The following TVP23C variants were observed in gnomAD, a reference collection of about 807,000 sequenced individuals.
TVP23C encodes Golgi apparatus membrane protein TVP23 homolog C.
TVP23C carries 19 observed loss-of-function variants against 28.7 expected under a neutral mutation model. The ratio of observed to expected loss-of-function variants is 0.66; its 90% CI spans 0.46 to 0.97. TVP23C has a LOEUF of 0.97. Among genes scored for constraint, TVP23C ranks in the 50% least tolerant of loss-of-function variants. The pLI is 0.00. For missense variants in TVP23C, 186 were observed against 241.3 expected (o/e 0.77, Z 1.52); for synonymous variants, 68 against 81.7 (o/e 0.83, Z 0.90).
chr17:15,520,326 T>G (rs1316878934), intron 5 of TVP23C, among the ~76,000 whole-genome samples: 2 of 149,222 alleles, frequency 1.3e-5, no homozygotes, highest in Admixed American at 1.3e-4. Context: ...AGCCCAGGAC[T>G]TCTAACTATT....
intron 5 of TVP23C, chr17:15,516,291 A>G (rs1982223300): frequency 6.6e-6 from 1 of 152,476 alleles, no homozygotes; most frequent in Non-Finnish European, 1.5e-5. Flanking sequence ...TTGTGAAGGA[A>G]ATCTAAGGGA....
downstream of TVP23C, among the ~76,000 whole-genome samples, chr17:15,535,193 T>C (rs868528370): frequency 5.9e-5 from 9 of 152,014 alleles, no homozygotes; most frequent in Admixed American, 6.6e-5. Context: ...ATCTTAACAC[T>C]CCTCTCATCA....
chr17:15,552,671 T>G (rs1307064376), intron 3 of TVP23C, among the ~76,000 whole-genome samples: 1 of 150,706 alleles, frequency 6.6e-6, no homozygotes, highest in Non-Finnish European at 1.5e-5. Flanking sequence ...GCAACAAAAG[T>G]GAAACTCCGT....
intron 3 of TVP23C, among the ~76,000 whole-genome samples, chr17:15,551,527 C>T (rs1403841667): frequency 6.6e-6 from 1 of 151,910 alleles, no homozygotes; most frequent in Non-Finnish European, 1.5e-5. Context: ...AATTATTTTC[C>T]CTTCTCTACC....
At chr17:15,541,963 C>T (rs1983429599) in intron 5 of TVP23C, among the ~76,000 whole-genome samples, 1 of 152,174 alleles carries the variant, frequency 6.6e-6, no homozygotes, top group South Asian at 2.1e-4. Context: ...GTAAGTTAAA[C>T]TTCTGGTTTA....
chr17:15,527,469 T>G (rs1263776205), intron 5 of TVP23C, among the ~76,000 whole-genome samples: 2 of 152,108 alleles, frequency 1.3e-5, no homozygotes, highest in Non-Finnish European at 2.9e-5. Flanking sequence ...GCCACTTAAC[T>G]AGGGGTTAGC....
intron 5 of TVP23C, among the ~76,000 whole-genome samples, chr17:15,523,457 C>T: frequency 6.6e-6 from 1 of 151,840 alleles, no homozygotes; most frequent in East Asian, 1.9e-4. Context: ...ATTACAGGCA[C>T]CCGCCACCAT....
intron 5 of TVP23C, chr17:15,516,695 T>C (rs1439888309): frequency 6.6e-6 from 1 of 151,854 alleles, no homozygotes; most frequent in African/African-American, 2.4e-5. Flanking sequence ...CTTCAACATA[T>C]GAATTTGGGG....
intron 5 of TVP23C, among the ~76,000 whole-genome samples, chr17:15,521,135 T>A (rs1386987222): frequency 6.6e-6 from 1 of 152,024 alleles, no homozygotes; most frequent in African/African-American, 2.4e-5. Flanking sequence ...TCCCCCCACT[T>A]GATACACGGT....
In TVP23C at chr17:15,538,418, G is replaced by A. The variant is rs562142753; in HGVS notation, c.*1994C>T. On this transcript the variant is annotated 3_prime_UTR_variant, in exon 6 of 6. Transcript: ENST00000518321. ...CTCCTGGCTAACACAGTGAAACCCC[G>A]TCTCTACTAAAAATACAAAAAATTA... is the stretch of plus-strand genomic sequence containing the variant. 2.0e-4 allele frequency: 149 copies of A among 756,076 alleles called. No homozygotes were observed. Among genetic ancestry groups the A allele is most frequent in the Non-Finnish European group, 2.3e-4 (142 of 621,196 alleles). 46.8% of individuals were successfully genotyped at this position (756,076 alleles called of 1,614,324 possible).
At chr17:15,551,071 T>C (rs1597542911) in intron 3 of TVP23C, among the ~76,000 whole-genome samples, 1 of 152,270 alleles carries the variant, frequency 6.6e-6, no homozygotes. Context: ...TTCTCCAATG[T>C]TGCAGAAGAT....
chr17:15,550,650 ATAATTT>A (rs1260383334), intron 3 of TVP23C, among the ~76,000 whole-genome samples: 2 of 152,304 alleles, frequency 1.3e-5, no homozygotes, highest in Non-Finnish European at 2.9e-5. Context: ...ATAGTTTGAT[ATAATTT>A]TACTCTGTGA....
intron 1 of TVP23C, among the ~76,000 whole-genome samples, chr17:15,557,511 C>T (rs1409879690): frequency 2.0e-5 from 3 of 148,586 alleles, no homozygotes; most frequent in Non-Finnish European, 3.0e-5. Flanking sequence ...GTTGGCCAGG[C>T]TGGTTTCAAA....
rs568317337 is a variant in TVP23C, at chr17:15,542,195, A to G, written c.463-1634T>C. ...ATTACCATCCCCAGGAACTTATAGA[A>G]AAGCAAAAGACCCGAGAAAAAAATG... On this transcript the variant is annotated intron_variant, in intron 5 of 5. Transcript: ENST00000518321. Among the ~76,000 whole-genome samples the G allele has an allele frequency of 2.0e-4, 31 of 152,370 alleles. No homozygotes were observed. The East Asian group carries it at 5.8e-3, about 28-fold the overall frequency.
rs368002871 is a variant in TVP23C, at chr17:15,518,483, T to C, written c.463-15251A>G. Among the ~76,000 whole-genome samples, 14 of 152,294 alleles carry C rather than the reference T, an allele frequency of 9.2e-5. No individual in the cohort carries two copies. In the South Asian group the frequency reaches 2.9e-3, roughly 32 times the overall value. On this transcript the variant is annotated intron_variant, in intron 5 of 5. Transcript: ENST00000225576. ...GCAATACCTATGTAACTCCTACATCTGGAAAGCAGATGACAGCTGGGCTCT... is the reference window on the plus strand; with the variant it reads ...GCAATACCTATGTAACTCCTACATCCGGAAAGCAGATGACAGCTGGGCTCT...
chr17:15,540,146 A>C lies in TVP23C; in HGVS notation c.*266T>G. 8.0e-7 allele frequency: 1 copy of C among 1,256,252 alleles called. No individual in the cohort carries two copies. The highest frequency in any genetic ancestry group is 2.1e-5 in the South Asian group (1 of 46,604). The allele number at this position is 1,256,252 out of a possible 1,614,324, so 77.8% of individuals were successfully genotyped here. A position where few individuals can be genotyped will look rare whatever the true frequency, so the allele number is the denominator to read the frequency against. Reference sequence around the variant, plus strand: ...ACATTCTGCAAGGGCATTCACTTAAAGCTCCCATAATTGATGAAAAACAAC... The same window carrying C: ...ACATTCTGCAAGGGCATTCACTTAACGCTCCCATAATTGATGAAAAACAAC... On this transcript the variant is annotated 3_prime_UTR_variant, in exon 6 of 6. Transcript: ENST00000518321.
intron 5 of TVP23C, among the ~76,000 whole-genome samples, chr17:15,529,451 C>CAA (rs985150360): frequency 7.1e-6 from 1 of 140,580 alleles, no homozygotes. Flanking sequence ...GACTCTGTCT[C>CAA]AAAAAAAAAA....
intron 5 of TVP23C, among the ~76,000 whole-genome samples, chr17:15,511,740 T>C (rs978596371): frequency 1.3e-5 from 2 of 152,228 alleles, no homozygotes; most frequent in African/African-American, 4.8e-5. Context: ...ACCACTGTTA[T>C]ATATTTTTTC....
At chr17:15,550,946 T>C (rs1238560843) in intron 3 of TVP23C, among the ~76,000 whole-genome samples, 5 of 152,206 alleles carry the variant, frequency 3.3e-5, no homozygotes, top group Non-Finnish European at 7.3e-5. Flanking sequence ...TTTCCTATTA[T>C]AATGAATTTG....
Sources: allele counts gnomAD v4.1 joint callset (sites outside exome capture counted in the v4.1 genomes callset), GRCh38; gene constraint gnomAD v4.1.1; transcripts MANE v1.5; gene names NCBI Gene and HGNC (gene_info 2026-07-23, HGNC 2026-07-21).